Variants in CD164 observed in about 807,000 individuals in gnomAD.
CD164 encodes CD164 molecule, also known as sialomucin core protein 24.
Under a neutral mutation model 24.6 loss-of-function variants are expected in CD164, and 11 were observed. The observed-to-expected ratio is 0.45, with a 90% confidence interval of 0.28 to 0.74. The LOEUF is 0.74. CD164 is among the 30% of genes least tolerant of loss of function. The probability of loss-of-function intolerance (pLI) is 0.13; values close to 1 mark genes in which losing one functional copy is unlikely to be tolerated. For missense variants in CD164, 295 were observed against 243.7 expected, an observed-to-expected ratio of 1.21 and a Z score of -1.40; for synonymous variants, 126 against 100.3, an observed-to-expected ratio of 1.26 and a Z score of -1.53.
Position 109,382,359 on chromosome 6 carries a change from G to T in CD164, c.20C>A (p.Ser7Ter). ...CAGGCAGGTGGCGGCCCAAAGCAGT[G>T]AGCGGGAGAGCCGCGACATCGTGTC... is the stretch of plus-strand genomic sequence containing the variant. MSRLSR[S>*]LLWAATCLGV... Residue 7 changes from serine (S) to a stop codon, truncating the protein, a stop_gained, in exon 1 of 6, where the codon TCA becomes TAA. Coordinates refer to ENST00000310786, the MANE Select transcript of CD164 (RefSeq NM_006016.6). LOFTEE classifies it high-confidence loss of function. The T allele has an allele frequency of 6.4e-7, 1 of 1,552,030 alleles. No individual in the cohort carries two copies.
chr6:109,368,878 A>C lies in CD164; in HGVS notation c.567T>G (p.Ser189=). The part of the protein sequence containing the change: ...VIFFLYKFCK[S]KERNYHTL ...ACAGAGTGTGGTAATTTCGTTCTTT[A>C]GATTTGCAGAATTTATAAAGAAAGA... The change falls in exon 6 of 6, where the codon TCT becomes TCG. Residue 189 remains serine (S), a synonymous_variant. Transcript: ENST00000310786. The C allele has an allele frequency of 6.2e-7, 1 of 1,613,176 alleles. No individual in the cohort carries two copies. Among genetic ancestry groups the C allele is most frequent in the African/African-American group, 1.3e-5 (1 of 74,964 alleles).
At chr6:109,381,960 A>AG (rs1771777206) in intron 1 of CD164, 1 of 379,648 alleles carries the variant, frequency 2.6e-6, no homozygotes, top group Non-Finnish European at 4.7e-6. Context: ...CAACACTTCG[A>AG]GGGGGGCCCC....
intron 3 of CD164, among the ~76,000 whole-genome samples, chr6:109,377,231 T>A (rs965219899): frequency 6.6e-6 from 1 of 152,234 alleles, no homozygotes; most frequent in African/African-American, 2.4e-5. Context: ...AAAATTCACA[T>A]TGGGATGGGG....
Position 109,381,581 on chromosome 6 carries a change from T to C in CD164, c.175+623A>G, listed in dbSNP as rs1398351187. 7 of 702,496 alleles carry C rather than the reference T, an allele frequency of 1.0e-5. 1 individual carries two copies. The highest frequency in any genetic ancestry group is 8.9e-5 in the South Asian group (6 of 67,608). 43.5% of individuals were successfully genotyped at this position (702,496 alleles called of 1,614,324 possible). ...TACTTTTCTTCCTTTTCGCATACTT[T>C]GAAGTGTGAAGTTTTCACTAACTAC... is the stretch of plus-strand genomic sequence containing the variant. On this transcript the variant is annotated intron_variant, in intron 1 of 5. Transcript: ENST00000310786.
At position 109,382,172 on chromosome 6, in the gene CD164, G is replaced by A. The variant is rs372610114; in HGVS notation, c.175+32C>T. 3.1e-5 allele frequency: 47 copies of A among 1,493,260 alleles called. No individual in the cohort carries two copies. In the African/African-American group the frequency reaches 5.3e-4, roughly 17 times the overall value. The allele number at this position is 1,493,260 out of a possible 1,614,324, so 92.5% of individuals were successfully genotyped here. ...GGCAGTGCGGCTCGGCTGGGCAGGG[G>A]AGGGCGGGAAGCCCACAGGGCCCGC... On this transcript the variant is annotated intron_variant, in intron 1 of 5. Coordinates refer to ENST00000310786, the MANE Select transcript of CD164 (RefSeq NM_006016.6).
At chr6:109,378,745 A>G (rs1379594596) in intron 2 of CD164, among the ~76,000 whole-genome samples, 3 of 152,194 alleles carry the variant, frequency 2.0e-5, no homozygotes, top group Admixed American at 1.3e-4. Context: ...ACCTAAAAAA[A>G]AGAGACACTT....
chr6:109,380,832 T>C (rs1196204933), intron 1 of CD164, among the ~76,000 whole-genome samples: 1 of 152,232 alleles, frequency 6.6e-6, no homozygotes, highest in South Asian at 2.1e-4. Context: ...GAAAGGAAAC[T>C]GTCAAATTAA....
At chr6:109,379,775 C>T (rs1266996501) in intron 1 of CD164, 113 bp from the exon 2 acceptor site, 2 of 711,420 alleles carry the variant, frequency 2.8e-6, no homozygotes, top group Non-Finnish European at 2.3e-6. Flanking sequence ...ATCAAAATTA[C>T]TAATTCAGAT....
chr6:109,374,483 C>A (rs1490843626), intron 4 of CD164, among the ~76,000 whole-genome samples: 1 of 152,214 alleles, frequency 6.6e-6, no homozygotes, highest in African/African-American at 2.4e-5. Context: ...CCACCTCTAT[C>A]TGTTCTCTAG....
chr6:109,373,877 T>C (rs192021756), intron 4 of CD164, among the ~76,000 whole-genome samples: 69 of 152,298 alleles, frequency 4.5e-4, no homozygotes, highest in Middle Eastern at 3.4e-3. Context: ...GTTACCAACA[T>C]GGTATCACTG....
At chr6:109,381,659 A>G (rs1240673828) in intron 1 of CD164, 2 of 694,028 alleles carry the variant, frequency 2.9e-6, no homozygotes, top group Non-Finnish European at 5.3e-6. Flanking sequence ...AATGTAATTA[A>G]ATCTCAAGCG....
At chr6:109,371,451 T>G (rs1771071482) in intron 4 of CD164, 1 of 153,794 alleles carries the variant, frequency 6.5e-6, no homozygotes, top group African/African-American at 2.4e-5. Flanking sequence ...GGTTTCACCA[T>G]GTTGACCAGG....
At chr6:109,379,704 A>G (rs1245057711) in intron 1 of CD164, 42 bp from the exon 2 acceptor site, 1 of 1,418,220 alleles carries the variant, frequency 7.1e-7, no homozygotes, top group South Asian at 1.2e-5. Context: ...CAATGATTTT[A>G]TTAGTATCTT....
Position 109,366,679 on chromosome 6 carries a change from G to C in CD164, c.*2172C>G, listed in dbSNP as rs370787382. 2 of 152,524 alleles carry C rather than the reference G, an allele frequency of 1.3e-5. No individual in the cohort carries two copies. The highest frequency in any genetic ancestry group is 2.4e-5 in the African/African-American group (1 of 41,388). 9.4% of individuals were successfully genotyped at this position (152,524 alleles called of 1,614,324 possible). ...TAAGGTATTTGATAGAAGAACATCT[G>C]CAAGAACAAATCAGATGAAAAATCT... On this transcript the variant is annotated 3_prime_UTR_variant, in exon 6 of 6. Transcript: ENST00000310786.
chr6:109,372,549 G>A (rs746789919), intron 4 of CD164: 2 of 152,052 alleles, frequency 1.3e-5, no homozygotes, highest in Non-Finnish European at 2.9e-5. Flanking sequence ...TTCAAGCATT[G>A]TTGTACATAC....
rs550636792 is a variant in CD164 at position 109,375,579 on chromosome 6, T to C, written c.370+495A>G. 1.1e-3 allele frequency among the ~76,000 whole-genome samples: 158 copies of C among 143,062 alleles called. 1 individual carries two copies. Among genetic ancestry groups the C allele is most frequent in the Middle Eastern group, 3.8e-3 (1 of 264 alleles). The allele number at this position is 143,062 out of a possible 152,430, so 93.9% of individuals were successfully genotyped here. A position where few individuals can be genotyped will look rare whatever the true frequency, so the allele number is the denominator to read the frequency against. ...TTGCAGTGAACCGAGATCGTACCAC[T>C]GCACTCCAGCCTGAGCGGCAGAGCA... is the stretch of plus-strand genomic sequence containing the variant. On this transcript the variant is annotated intron_variant, in intron 4 of 5. Coordinates refer to ENST00000310786, the MANE Select transcript of CD164 (RefSeq NM_006016.6).
In CD164 at chr6:109,367,885, T is replaced by A. The variant is rs1770854688; in HGVS notation, c.*966A>T. 6.3e-6 allele frequency: 1 copy of A among 157,538 alleles called. No homozygotes were observed. The highest frequency in any genetic ancestry group is 2.4e-5 in the African/African-American group (1 of 41,542). 9.8% of individuals were successfully genotyped at this position (157,538 alleles called of 1,614,324 possible). A position where few individuals can be genotyped will look rare whatever the true frequency, so the allele number is the denominator to read the frequency against. On this transcript the variant is annotated 3_prime_UTR_variant, in exon 6 of 6. Coordinates refer to ENST00000310786, the MANE Select transcript of CD164 (RefSeq NM_006016.6). ...TGGAAATCCTTTCAAGGTACAATAG[T>A]GCTAGCATACTTTTTTTTAAAGTAC...
At chr6:109,381,262 T>C (rs927947878) in intron 1 of CD164, among the ~76,000 whole-genome samples, 5 of 152,210 alleles carry the variant, frequency 3.3e-5, no homozygotes. Flanking sequence ...TTAAAATGTA[T>C]GTATGCCTTA....
At chr6:109,372,330 A>G (rs1027831110) in intron 4 of CD164, 2 of 152,222 alleles carry the variant, frequency 1.3e-5, no homozygotes, top group Non-Finnish European at 2.9e-5. Flanking sequence ...TTTAAAGACC[A>G]GGACTCTCGT....
Sources: allele counts gnomAD v4.1 joint callset (sites outside exome capture counted in the v4.1 genomes callset), GRCh38; gene constraint gnomAD v4.1.1; transcripts MANE v1.5; gene names NCBI Gene and HGNC (gene_info 2026-07-23, HGNC 2026-07-21).